MTMR3: variants seen among roughly 807,000 people sequenced by gnomAD.
MTMR3 encodes phosphatidylinositol-3,5-bisphosphate 3-phosphatase MTMR3.
MTMR3 carries 32 observed loss-of-function variants against 132.4 expected under a neutral mutation model. The observed-to-expected ratio is 0.24, with a 90% CI of 0.18 to 0.32. MTMR3 has a LOEUF of 0.32. Ranked by LOEUF, MTMR3 falls within the 10% of genes least tolerant of loss-of-function variation. The pLI is 1.00. For synonymous variants in MTMR3, 556 were observed against 550.3 expected (o/e 1.01, Z -0.14); for missense variants, 1,216 against 1,489.6 (o/e 0.82, Z 3.02).
At chr22:29,895,543 A>G (rs1026791671) in intron 1 of MTMR3, among the ~76,000 whole-genome samples, 1 of 152,176 alleles carries the variant, frequency 6.6e-6, no homozygotes, top group African/African-American at 2.4e-5. Context: ...TTAGTTGAAT[A>G]TGGTGGATGA....
At chr22:30,016,756 A>C in intron 15 of MTMR3, 58 bp downstream of exon 15, 1 of 1,539,208 alleles carries the variant, frequency 6.5e-7, no homozygotes, top group South Asian at 1.2e-5. Flanking sequence ...GGTTGGTTAC[A>C]TATGAGAGCC....
At chr22:29,964,928 T>C (rs1487820846) in intron 2 of MTMR3, among the ~76,000 whole-genome samples, 1 of 152,200 alleles carries the variant, frequency 6.6e-6, no homozygotes, top group Non-Finnish European at 1.5e-5. Flanking sequence ...TCTGATTCGG[T>C]ACAGTTTAGC....
chr22:29,906,073 C>T (rs2065088081), intron 1 of MTMR3, among the ~76,000 whole-genome samples: 1 of 151,964 alleles, frequency 6.6e-6, no homozygotes, highest in South Asian at 2.1e-4. Flanking sequence ...CTACGCTGGC[C>T]TTTAACTCCT....
intron 1 of MTMR3, among the ~76,000 whole-genome samples, chr22:29,905,076 A>C (rs572816770): frequency 6.6e-6 from 1 of 152,300 alleles, no homozygotes; most frequent in East Asian, 1.9e-4. Flanking sequence ...GAAGCTTATC[A>C]TACATTTTTC....
At chr22:29,986,981 T>A (rs986856595) in intron 5 of MTMR3, 2 of 152,210 alleles carry the variant, frequency 1.3e-5, no homozygotes, top group Non-Finnish European at 2.9e-5. Context: ...CCTCAGGTGA[T>A]CCGCCCACCT....
chr22:30,008,610 A>G (rs548215906), intron 11 of MTMR3: 4 of 168,692 alleles, frequency 2.4e-5, no homozygotes, highest in East Asian at 1.7e-4. Context: ...CTAAGCTGGA[A>G]ATTGAAAGCA....
At chr22:29,908,316 C>T (rs1281996045) in intron 1 of MTMR3, among the ~76,000 whole-genome samples, 2 of 152,182 alleles carry the variant, frequency 1.3e-5, no homozygotes, top group African/African-American at 4.8e-5. Flanking sequence ...GTATCGTGTT[C>T]ATGTCAGACA....
At chr22:29,920,231 A>G (rs969632119) in intron 1 of MTMR3, among the ~76,000 whole-genome samples, 10 of 149,944 alleles carry the variant, frequency 6.7e-5, no homozygotes, top group African/African-American at 2.5e-4. Flanking sequence ...AAAACAAAAA[A>G]CCCAAAAAAA....
At position 29,963,287 on chromosome 22, in the gene MTMR3, T is replaced by G. The variant is rs1030785337; in HGVS notation, c.-85+6199T>G. On this transcript the variant is annotated intron_variant, in intron 2 of 19. Coordinates refer to ENST00000401950, the MANE Select transcript of MTMR3 (RefSeq NM_021090.4). ...TTGTAGAGGTGGGGTTTCACCATATTGCCCAGGCTGGTCTCAAACACCTGG... is the reference window on the plus strand; with the variant it reads ...TTGTAGAGGTGGGGTTTCACCATATGGCCCAGGCTGGTCTCAAACACCTGG... Among the ~76,000 whole-genome samples the G allele has an allele frequency of 1.7e-4, 26 of 152,116 alleles. No individual in the cohort carries two copies. The East Asian group carries it at 3.7e-3, about 21-fold the overall frequency.
intron 1 of MTMR3, among the ~76,000 whole-genome samples, chr22:29,889,720 T>C (rs1259413676): frequency 6.6e-6 from 1 of 152,138 alleles, no homozygotes; most frequent in Non-Finnish European, 1.5e-5. Context: ...CAACTTTCCC[T>C]GTAAAATTGA....
intron 1 of MTMR3, among the ~76,000 whole-genome samples, chr22:29,888,768 C>CTTTTTTTTTTTTTTTTTTT (rs3049983): frequency 9.8e-6 from 1 of 101,880 alleles, no homozygotes; most frequent in Non-Finnish European, 1.9e-5. Flanking sequence ...TTAGTTAATA[C>CTTTTTTTTTTTTTTTTTTT]TTTTTTTTTT....
intron 8 of MTMR3, 134 bp from the exon 9 acceptor site, chr22:30,002,746 A>G (rs1453805071): frequency 4.7e-6 from 3 of 637,716 alleles, no homozygotes; most frequent in Non-Finnish European, 8.1e-6. Flanking sequence ...AAAGCGCCTC[A>G]TTGCCTTTAA....
rs373207700 is a variant in MTMR3 at position 30,019,669 on chromosome 22, C to G, written c.2010C>G (p.Thr670=). 1.9e-6 allele frequency: 3 copies of G among 1,614,214 alleles called. No homozygotes were observed. The highest frequency in any genetic ancestry group is 2.2e-5 in the South Asian group (2 of 91,088). Reference sequence around the variant, plus strand: ...CTGCCGACAGCCTAGGGAAGCCCACCAGAGTGCCGGGGGGTGCCGAGCTTT... The same window carrying G: ...CTGCCGACAGCCTAGGGAAGCCCACGAGAGTGCCGGGGGGTGCCGAGCTTT... ...PLSADSLGKP[T]RVPGGAELSV... is the part of the protein sequence containing the mutation. The change falls in exon 17 of 20, where the codon ACC becomes ACG. Residue 670 remains threonine, a synonymous_variant. Transcript: ENST00000401950.
rs1277621388 is a variant in MTMR3, at chr22:30,002,875, T to C, written c.558-5T>C. 3 of 1,610,376 alleles carry C rather than the reference T, an allele frequency of 1.9e-6. No homozygotes were observed. The African/African-American group carries it at 4.0e-5, about 22-fold the overall frequency. On this transcript the variant is annotated splice_polypyrimidine_tract_variant and splice_region_variant and intron_variant, in intron 8 of 19. Transcript: ENST00000401950. ...GACTCTCCCCACTTCTCATCTTCTC[T>C]TTAGATTATGTGGTAGCTATCCTCA...
At chr22:29,902,191 GTT>G (rs2065013629) in intron 1 of MTMR3, among the ~76,000 whole-genome samples, 2 of 152,040 alleles carry the variant, frequency 1.3e-5, no homozygotes, top group East Asian at 1.9e-4. Flanking sequence ...AGAAGAATCT[GTT>G]TGTATAAATA....
intron 3 of MTMR3, chr22:29,978,046 A>C: frequency 6.3e-6 from 1 of 159,682 alleles, no homozygotes; most frequent in Non-Finnish European, 1.4e-5. Flanking sequence ...AGGCTGAGGC[A>C]GGAGAATCGC....
intron 1 of MTMR3, among the ~76,000 whole-genome samples, chr22:29,912,073 A>G (rs1184581162): frequency 1.3e-5 from 2 of 152,054 alleles, no homozygotes; most frequent in Non-Finnish European, 2.9e-5. Flanking sequence ...GAGGTGAGGT[A>G]TGTATAGTAA....
intron 1 of MTMR3, among the ~76,000 whole-genome samples, chr22:29,903,276 A>C (rs1316274349): frequency 6.6e-6 from 1 of 152,144 alleles, no homozygotes; most frequent in Non-Finnish European, 1.5e-5. Context: ...CCATTTTTGC[A>C]AGTTAATTTT....
In MTMR3 at chr22:29,956,187, G is replaced by A. The variant is rs76768718; in HGVS notation, c.-137-849G>A. Among the ~76,000 whole-genome samples, 681 of 152,322 alleles carry A rather than the reference G, an allele frequency of 4.5e-3. 6 individuals carry two copies. Among genetic ancestry groups the A allele is most frequent in the African/African-American group, 0.015 (643 of 41,572 alleles). On this transcript the variant is annotated intron_variant, in intron 1 of 19. Transcript: ENST00000401950. ...GAAATTGTCACAAAGGAACAGGTCG[G>A]TTAGATGTTTTGTCTCTGTAAAGTT...
Sources: gnomAD v4.1 joint callset for allele counts (sites outside exome capture counted in the v4.1 genomes callset) on GRCh38, gnomAD v4.1.1 for gene constraint, MANE v1.5 for transcripts, NCBI Gene and HGNC (gene_info 2026-07-23, HGNC 2026-07-21) for gene names.